HDAC4: variants seen among roughly 807,000 people sequenced by gnomAD.
HDAC4 encodes histone deacetylase A.
A neutral mutation model predicts 135.1 loss-of-function variants in HDAC4; 16 were observed. The ratio of observed to expected loss-of-function variants is 0.12; its 90% confidence interval spans 0.08 to 0.18. The LOEUF (loss-of-function observed/expected upper bound fraction) is 0.18, where lower values mean the gene tolerates loss of function less well. HDAC4 is among the 10% of genes least tolerant of loss of function. The pLI is 1.00. For missense variants in HDAC4, 1,143 were observed against 1,511.8 expected (o/e 0.76, Z 4.05); for synonymous variants, 685 against 653.4 (o/e 1.05, Z -0.74).
intron 2 of HDAC4, among the ~76,000 whole-genome samples, chr2:239,282,005 TA>T: frequency 6.7e-6 from 1 of 148,724 alleles, no homozygotes; most frequent in Non-Finnish European, 1.5e-5. Context: ...CACACCACTC[TA>T]CAATGAACAC....
chr2:239,202,006 C>G (rs1371721418), intron 3 of HDAC4, among the ~76,000 whole-genome samples: 1 of 152,152 alleles, frequency 6.6e-6, no homozygotes, highest in East Asian at 1.9e-4. Context: ...CTGCAGTTGG[C>G]AGGATCTTTC....
chr2:239,303,687 T>C lies in HDAC4; in HGVS notation c.22+48991A>G, dbSNP rs752039568. On this transcript the variant is annotated intron_variant, in intron 2 of 26. Transcript: ENST00000543185. This position sits in a 1 kb window ranked among gnomAD's most constrained non-coding sequence, Gnocchi z 5.1. Reference sequence around the variant, plus strand: ...CAAGTCAGCCCTGATGCTGTCCATGTTTTTTGTAAAACTTGCTCACTTGTA... The same window carrying C: ...CAAGTCAGCCCTGATGCTGTCCATGCTTTTTGTAAAACTTGCTCACTTGTA... Among the ~76,000 whole-genome samples the C allele has an allele frequency of 4.6e-5, 7 of 152,162 alleles. No homozygotes were observed. Among genetic ancestry groups the C allele is most frequent in the Non-Finnish European group, 8.8e-5 (6 of 68,020 alleles).
chr2:239,269,191 A>ACATT (rs1480948645), intron 2 of HDAC4, among the ~76,000 whole-genome samples: 1 of 151,616 alleles, frequency 6.6e-6, no homozygotes, highest in Non-Finnish European at 1.5e-5. Flanking sequence ...TCACACACCC[A>ACATT]CACACATTCA....
At chr2:239,066,589 A>G in intron 24 of HDAC4, 133 bp downstream of exon 24, 1 of 1,190,458 alleles carries the variant, frequency 8.4e-7, no homozygotes, top group Non-Finnish European at 1.2e-6. Context: ...GGCAGGTGCA[A>G]GGCGGAGCTG....
chr2:239,244,358 A>T (rs1197053369), intron 2 of HDAC4, among the ~76,000 whole-genome samples: 1 of 152,094 alleles, frequency 6.6e-6, no homozygotes, highest in Non-Finnish European at 1.5e-5. Flanking sequence ...TCTGTGAGAA[A>T]GCGCTGCGCG....
intron 2 of HDAC4, among the ~76,000 whole-genome samples, chr2:239,261,892 A>C (rs113633039): frequency 6.6e-4 from 100 of 152,310 alleles, no homozygotes; most frequent in African/African-American, 2.4e-3. Flanking sequence ...CAGCCTGCCC[A>C]GGGCAACTGA....
At chr2:239,332,262 A>G (rs1357627498) in intron 2 of HDAC4, among the ~76,000 whole-genome samples, 1 of 152,248 alleles carries the variant, frequency 6.6e-6, no homozygotes, top group Non-Finnish European at 1.5e-5. Context: ...TTAAATGGAC[A>G]TGTAGAACTG....
intron 12 of HDAC4, among the ~76,000 whole-genome samples, chr2:239,120,668 G>T (rs1248338747): frequency 6.6e-6 from 1 of 151,470 alleles, no homozygotes; most frequent in Non-Finnish European, 1.5e-5. Context: ...CCTTAGAGGG[G>T]ACCCTGTGGG....
At chr2:239,230,662 C>G (rs1410874316) in intron 3 of HDAC4, among the ~76,000 whole-genome samples, 1 of 152,204 alleles carries the variant, frequency 6.6e-6, no homozygotes, top group Non-Finnish European at 1.5e-5. Context: ...TGGACCCTAT[C>G]CAAACCCCAG....
At chr2:239,254,005 A>C (rs2048925182) in intron 2 of HDAC4, among the ~76,000 whole-genome samples, 1 of 152,160 alleles carries the variant, frequency 6.6e-6, no homozygotes, top group African/African-American at 2.4e-5. Context: ...CCTGGGAAGC[A>C]ATAGAGGGTT....
At chr2:239,165,377 A>G (rs1013636518) in intron 5 of HDAC4, among the ~76,000 whole-genome samples, 6 of 152,172 alleles carry the variant, frequency 3.9e-5, no homozygotes, top group African/African-American at 7.2e-5. Context: ...GGCACCCCTG[A>G]GCACCACTGG....
intron 3 of HDAC4, among the ~76,000 whole-genome samples, chr2:239,202,760 C>T (rs1303927159): frequency 6.6e-6 from 1 of 152,184 alleles, no homozygotes; most frequent in Non-Finnish European, 1.5e-5. Context: ...GCTCCACACA[C>T]TTCTGGGACA....
At chr2:239,112,998 G>T (rs2152803397) in intron 13 of HDAC4, among the ~76,000 whole-genome samples, 1 of 152,218 alleles carries the variant, frequency 6.6e-6, no homozygotes, top group East Asian at 1.9e-4. Context: ...GCTGAGGCGG[G>T]TGGATCACCT....
At chr2:239,067,072 A>AT in intron 23 of HDAC4, 3 of 629,896 alleles carry the variant, frequency 4.8e-6, no homozygotes, top group Non-Finnish European at 8.5e-6. Flanking sequence ...CAATGCTTTG[A>AT]TTTTTAATCA....
At chr2:239,165,662 C>T (rs757515985) in intron 5 of HDAC4, among the ~76,000 whole-genome samples, 6 of 152,198 alleles carry the variant, frequency 3.9e-5, no homozygotes, top group Admixed American at 6.5e-5. Flanking sequence ...CGGCCAGGTG[C>T]GCCTCAGGTG....
At chr2:239,104,958 T>C (rs959847383) in intron 15 of HDAC4, among the ~76,000 whole-genome samples, 37 of 151,992 alleles carry the variant, frequency 2.4e-4, no homozygotes, top group African/African-American at 8.7e-4. Flanking sequence ...CCGCGACGGC[T>C]GGGGCTGCAG....
intron 3 of HDAC4, among the ~76,000 whole-genome samples, chr2:239,202,115 G>C (rs1421051379): frequency 6.6e-6 from 1 of 152,170 alleles, no homozygotes; most frequent in African/African-American, 2.4e-5. Flanking sequence ...AGCGGGTGCT[G>C]CTGGAGGGCT....
chr2:239,261,326 G>A (rs1177243712), intron 2 of HDAC4, among the ~76,000 whole-genome samples: 2 of 152,202 alleles, frequency 1.3e-5, no homozygotes, highest in Non-Finnish European at 2.9e-5. Context: ...TGAGACTAAG[G>A]AGGGCGTACA....
chr2:239,113,443 G>T (rs1302509996), intron 13 of HDAC4, among the ~76,000 whole-genome samples: 1 of 152,204 alleles, frequency 6.6e-6, no homozygotes, highest in Admixed American at 6.5e-5. Context: ...AATCCTCCCC[G>T]ACGCGGGCTG....
Sources: allele counts gnomAD v4.1 joint callset (sites outside exome capture counted in the v4.1 genomes callset), GRCh38; gene constraint gnomAD v4.1.1; non-coding constraint Gnocchi (gnomAD v3.1); transcripts MANE v1.5; gene names NCBI Gene and HGNC (gene_info 2026-07-23, HGNC 2026-07-21).